Variants in PUS7 observed in about 807,000 individuals in gnomAD.
PUS7 encodes the protein pseudouridylate synthase 7 homolog.
In PUS7, 48 loss-of-function variants were observed where a neutral mutation model predicts 79.8. The observed-to-expected ratio is 0.60, with a 90% CI of 0.48 to 0.76. The LOEUF is 0.76. Among genes scored for constraint, PUS7 ranks in the 30% least tolerant of loss-of-function variants. The pLI is 0.00. For synonymous variants in PUS7, 286 were observed against 272.2 expected (o/e 1.05, Z -0.50); for missense variants, 729 against 797.6 (o/e 0.91, Z 1.04).
chr7:105,494,923 C>T (rs1824942987), intron 6 of PUS7, among the ~76,000 whole-genome samples: 1 of 149,904 alleles, frequency 6.7e-6, no homozygotes, highest in Non-Finnish European at 1.5e-5. Flanking sequence ...CTGCAGTGAG[C>T]CTGATCATAC....
chr7:105,484,292 T>C lies in PUS7; in HGVS notation c.921-1852A>G, dbSNP rs145678448. On this transcript the variant is annotated intron_variant, in intron 7 of 15. Transcript: ENST00000469408. ...ACTGTGTTGACTGAAACTGTGTTTC[T>C]ATATTTGTTGGCATTCTTCTGTAAA... is the stretch of plus-strand genomic sequence containing the variant. Among the ~76,000 whole-genome samples, 126 of 152,250 alleles carry C rather than the reference T, an allele frequency of 8.3e-4. 1 individual carries two copies. The highest frequency in any genetic ancestry group is 6.8e-3 in the Middle Eastern group (2 of 294).
rs1262855530 is a variant in PUS7, at chr7:105,482,459, A to G, written c.921-19T>C. ...AGTTATTCTTTAAAAAAAAAAAAAA[A>G]AGCAACAAAACAAAAAAGAGTAGAA... is the stretch of plus-strand genomic sequence containing the variant. On this transcript the variant is annotated intron_variant, in intron 7 of 15. Coordinates refer to ENST00000469408, the MANE Select transcript of PUS7 (RefSeq NM_019042.5). The G allele has an allele frequency of 6.4e-7, 1 of 1,564,072 alleles. No individual in the cohort carries two copies. Among genetic ancestry groups the G allele is most frequent in the East Asian group, 2.2e-5 (1 of 44,568 alleles).
At chr7:105,516,053 C>T (rs1825882716) in intron 1 of PUS7, among the ~76,000 whole-genome samples, 1 of 151,906 alleles carries the variant, frequency 6.6e-6, no homozygotes, top group Non-Finnish European at 1.5e-5. Context: ...TGGTGATCCG[C>T]CCACCTCAAA....
Position 105,508,469 on chromosome 7 carries a change from GC to G in PUS7, c.43del (p.Ala15HisfsTer26), listed in dbSNP as rs1223241849. The G allele has an allele frequency of 6.2e-7, 1 of 1,613,944 alleles. No individual in the cohort carries two copies. Among genetic ancestry groups the G allele is most frequent in the Non-Finnish European group, 8.5e-7 (1 of 1,180,016 alleles). On this transcript the variant is annotated frameshift_variant, in exon 2 of 16. Transcript: ENST00000469408. LOFTEE classifies it high-confidence loss of function. ...EMTGVSLKRGALVVEDNDSGV... is the reference protein window; with the variant it reads ...EMTGVSLKRGXLVVEDNDSGV... ...ACTGTCATTATCTTCGACAACCAGT[GC>G]CCCACGTTTCAGCGACACACCAGTC...
Position 105,470,764 on chromosome 7 carries a change from T to C in PUS7, c.1322A>G (p.Lys441Arg), listed in dbSNP as rs1214289583. The change falls in exon 11 of 16, where the codon AAA (lysine) becomes AGA (arginine). Residue 441 changes from lysine to arginine, a missense_variant. Physicochemically the swap from Lys to Arg is conservative, Grantham distance 26. Transcript: ENST00000469408. ...AAGCAGCTGCCCTTCCACACACCTT[T>C]TGACAGGTAGTTTTCTGAGGGCAGC... ...PTAALRKLPV[K>R]RCVEGQLLRG... 1.2e-6 allele frequency: 2 copies of C among 1,612,910 alleles called. No homozygotes were observed. Among genetic ancestry groups the C allele is most frequent in the African/African-American group, 2.7e-5 (2 of 74,926 alleles).
rs564920378 is a variant in PUS7 at position 105,513,992 on chromosome 7, C to T, written c.-32-5448G>A. Among the ~76,000 whole-genome samples, 9 of 137,238 alleles carry T rather than the reference C, an allele frequency of 6.6e-5. 2 individuals carry two copies. The South Asian group carries it at 1.3e-3, about 20-fold the overall frequency. The allele number at this position is 137,238 out of a possible 152,430, so 90.0% of individuals were successfully genotyped here. A position where few individuals can be genotyped will look rare whatever the true frequency, so the allele number is the denominator to read the frequency against. ...CTTTGGGAGGCCAAGGCAGGTGGAT[C>T]GCCAAGGCAGGCCGGATCACGAAGT... On this transcript the variant is annotated intron_variant, in intron 1 of 15. Coordinates refer to ENST00000469408, the MANE Select transcript of PUS7 (RefSeq NM_019042.5).
chr7:105,465,454 C>G, intron 12 of PUS7, 40 bp from the exon 13 acceptor site: 1 of 1,404,370 alleles, frequency 7.1e-7, no homozygotes, highest in Non-Finnish European at 1.0e-6. Flanking sequence ...AGAAAATAGG[C>G]AATATTGTTA....
At chr7:105,501,110 T>C (rs1181045201) in intron 5 of PUS7, among the ~76,000 whole-genome samples, 1 of 152,218 alleles carries the variant, frequency 6.6e-6, no homozygotes, top group East Asian at 1.9e-4. Context: ...GAAGCTTTCC[T>C]CCTGTTCTCT....
chr7:105,500,649 C>T (rs1265529773), intron 5 of PUS7, among the ~76,000 whole-genome samples: 2 of 152,202 alleles, frequency 1.3e-5, no homozygotes, highest in African/African-American at 2.4e-5. Context: ...CCCTAGCAGC[C>T]TTCCCAACTG....
intron 11 of PUS7, chr7:105,470,196 GTTAACT>G (rs1380241327): frequency 1.3e-5 from 2 of 152,146 alleles, no homozygotes; most frequent in African/African-American, 4.8e-5. Flanking sequence ...TTTAACATTT[GTTAACT>G]TTAACTTTGT....
intron 2 of PUS7, 120 bp downstream of exon 2, chr7:105,507,995 G>A: frequency 7.7e-7 from 1 of 1,305,342 alleles, no homozygotes; most frequent in Non-Finnish European, 1.0e-6. Flanking sequence ...TATTCCTTTT[G>A]ATCAGTAGTA....
At chr7:105,475,334 C>T (rs183472833) in intron 9 of PUS7, among the ~76,000 whole-genome samples, 51 of 152,152 alleles carry the variant, frequency 3.4e-4, no homozygotes, top group South Asian at 2.9e-3. Context: ...TACAGGCGCG[C>T]GCCACCACGC....
chr7:105,468,889 CTTAT>C (rs1344955162), intron 11 of PUS7, among the ~76,000 whole-genome samples: 1 of 151,768 alleles, frequency 6.6e-6, no homozygotes, highest in African/African-American at 2.4e-5. Flanking sequence ...TTCTACTGTA[CTTAT>C]TTATTTACTT....
intron 4 of PUS7, 103 bp downstream of exon 4, chr7:105,505,852 C>T (rs1825433073): frequency 2.1e-6 from 2 of 945,910 alleles, no homozygotes; most frequent in Non-Finnish European, 1.6e-6. Context: ...AGCAAAAAGT[C>T]ACCCTTTGTT....
At chr7:105,468,869 A>C (rs1165507707) in intron 11 of PUS7, among the ~76,000 whole-genome samples, 1 of 151,922 alleles carries the variant, frequency 6.6e-6, no homozygotes, top group Non-Finnish European at 1.5e-5. Flanking sequence ...TAATCGTAGT[A>C]ATAAGAAACT....
intron 7 of PUS7, among the ~76,000 whole-genome samples, chr7:105,491,136 T>C (rs1262715506): frequency 6.6e-6 from 1 of 152,224 alleles, no homozygotes; most frequent in Non-Finnish European, 1.5e-5. Flanking sequence ...TATTTCAGTA[T>C]TTATCTCACT....
rs1478007885 is a variant in PUS7 at position 105,508,551 on chromosome 7, G to A, written c.-32-7C>T. ...AGAAAACATTTAAGAAAACCTGTTA[G>A]GAAAGAGTAGAAAGTAACAATCACC... On this transcript the variant is annotated splice_region_variant and splice_polypyrimidine_tract_variant and intron_variant, in intron 1 of 15. Coordinates refer to ENST00000469408, the MANE Select transcript of PUS7 (RefSeq NM_019042.5). 1.3e-6 allele frequency: 2 copies of A among 1,584,770 alleles called. No individual in the cohort carries two copies. Among genetic ancestry groups the A allele is most frequent in the African/African-American group, 1.4e-5 (1 of 73,812 alleles).
intron 11 of PUS7, 186 bp downstream of exon 11, chr7:105,470,502 G>A (rs904325790): frequency 7.5e-5 from 37 of 492,834 alleles, no homozygotes; most frequent in Non-Finnish European, 1.0e-4. Context: ...AGTAATGCCC[G>A]CATCCACCCC....
chr7:105,510,693 T>C (rs1223578011), intron 1 of PUS7, among the ~76,000 whole-genome samples: 4 of 152,092 alleles, frequency 2.6e-5, no homozygotes. Context: ...TTTGTAATTT[T>C]TGGTAGAGAC....
Sources: gnomAD v4.1 joint callset for allele counts (sites outside exome capture counted in the v4.1 genomes callset) on GRCh38, gnomAD v4.1.1 for gene constraint, MANE v1.5 for transcripts, NCBI Gene and HGNC (gene_info 2026-07-23, HGNC 2026-07-21) for gene names.